Variants in PTPN11 observed in about 807,000 individuals in gnomAD.
PTPN11 encodes protein tyrosine phosphatase non-receptor type 11.
A neutral mutation model predicts 78.8 loss-of-function variants in PTPN11; 6 were observed. The ratio of observed to expected loss-of-function variants is 0.08; its 90% CI spans 0.04 to 0.15. The LOEUF (loss-of-function observed/expected upper bound fraction) is 0.15, where lower values mean the gene tolerates loss of function less well. Ranked by LOEUF, PTPN11 falls within the 10% of genes least tolerant of loss-of-function variation. The pLI, the probability that PTPN11 is intolerant of heterozygous loss-of-function variation, is 1.00. For synonymous variants in PTPN11, 221 were observed against 263.5 expected (o/e 0.84, Z 1.56); for missense variants, 386 against 744.8 (o/e 0.52, Z 5.61).
chr12:112,486,931 GT>G lies in PTPN11; in HGVS notation c.1379+305del, dbSNP rs1167607021. On this transcript the variant is annotated intron_variant, in intron 11 of 15. Transcript: ENST00000351677. ...TAAACAACTTCATCCTGGCTCTGCA[GT>G]TTCTCCTTATTCTTCATGATGTTTG... The G allele has an allele frequency of 4.4e-6, 6 of 1,353,498 alleles. No individual in the cohort carries two copies. In the Admixed American group the frequency reaches 1.9e-4, roughly 42 times the overall value. The allele number at this position is 1,353,498 out of a possible 1,614,324, so 83.8% of individuals were successfully genotyped here.
chr12:112,451,158 A>T (rs1314885873), intron 3 of PTPN11, among the ~76,000 whole-genome samples: 1 of 152,090 alleles, frequency 6.6e-6, no homozygotes, highest in Non-Finnish European at 1.5e-5. Flanking sequence ...CAAATTCAGG[A>T]TCTCTTAGTT....
chr12:112,498,740 C>T (rs996185447), intron 13 of PTPN11, among the ~76,000 whole-genome samples: 1 of 152,198 alleles, frequency 6.6e-6, no homozygotes, highest in African/African-American at 2.4e-5. Context: ...CCCTCTACTC[C>T]ACAAACACAA....
At chr12:112,459,713 C>T (rs970936130) in intron 6 of PTPN11, among the ~76,000 whole-genome samples, 8 of 152,096 alleles carry the variant, frequency 5.3e-5, no homozygotes, top group Non-Finnish European at 1.2e-4. Context: ...GGTGATCCGC[C>T]TGACTTGGCC....
At chr12:112,453,020 C>A (rs578203768) in intron 3 of PTPN11, among the ~76,000 whole-genome samples, 175 bp from the exon 4 acceptor site, 10 of 152,142 alleles carry the variant, frequency 6.6e-5, no homozygotes, top group African/African-American at 2.4e-4. Flanking sequence ...TGTGGTTTTT[C>A]CTGCCTGCAT....
At chr12:112,487,354 G>A (rs2038693514) in intron 11 of PTPN11, among the ~76,000 whole-genome samples, 1 of 152,198 alleles carries the variant, frequency 6.6e-6, no homozygotes, top group South Asian at 2.1e-4. Context: ...GGCTGGTCTC[G>A]AACCCTTGAC....
chr12:112,487,133 C>T (rs1343764985), intron 11 of PTPN11, among the ~76,000 whole-genome samples: 4 of 139,142 alleles, frequency 2.9e-5, no homozygotes, highest in Admixed American at 1.4e-4. Context: ...CTCTCTCTCT[C>T]TTTTTTTTTT....
intron 5 of PTPN11, among the ~76,000 whole-genome samples, chr12:112,455,668 A>G (rs1341023314): frequency 2.0e-5 from 3 of 152,180 alleles, no homozygotes; most frequent in African/African-American, 7.2e-5. Context: ...AAATGATATA[A>G]TCTCTCTAAA....
chr12:112,483,592 G>T (rs1566183984), intron 10 of PTPN11, among the ~76,000 whole-genome samples: 1 of 152,222 alleles, frequency 6.6e-6, no homozygotes, highest in Non-Finnish European at 1.5e-5. Flanking sequence ...GCCAGAGTTG[G>T]ATTTAAGTTT....
chr12:112,431,220 A>G (rs1224877175), intron 1 of PTPN11, among the ~76,000 whole-genome samples: 1 of 152,218 alleles, frequency 6.6e-6, no homozygotes, highest in Non-Finnish European at 1.5e-5. Flanking sequence ...TTAGTAAGGA[A>G]CTGCTCTGTA....
chr12:112,426,573 T>C (rs944244736), intron 1 of PTPN11, among the ~76,000 whole-genome samples: 9 of 152,176 alleles, frequency 5.9e-5, no homozygotes, highest in East Asian at 3.9e-4. Context: ...TTGTTTTTTT[T>C]CCTCTTTTTG....
intron 7 of PTPN11, among the ~76,000 whole-genome samples, chr12:112,474,529 A>G (rs543502460): frequency 1.3e-5 from 2 of 152,026 alleles, no homozygotes; most frequent in South Asian, 4.2e-4. Flanking sequence ...TACCTTCTGT[A>G]ACACCCAAAT....
intron 14 of PTPN11, among the ~76,000 whole-genome samples, chr12:112,502,707 A>G (rs948457116): frequency 1.3e-5 from 2 of 152,188 alleles, no homozygotes; most frequent in Non-Finnish European, 2.9e-5. Flanking sequence ...AGATCATGCC[A>G]CTGCACTCCA....
intron 11 of PTPN11, among the ~76,000 whole-genome samples, chr12:112,487,133 CT>C (rs1215555696): frequency 7.9e-4 from 110 of 138,988 alleles, no homozygotes; most frequent in South Asian, 5.2e-3. Flanking sequence ...CTCTCTCTCT[CT>C]TTTTTTTTTT....
Position 112,419,103 on chromosome 12 carries a change from G to C in PTPN11, c.-9G>C. ...CGGGTCCGTCGCGGAGCCGGAGGGCGGGAGGAACATGACATCGCGGAGGTG... is the reference window on the plus strand; with the variant it reads ...CGGGTCCGTCGCGGAGCCGGAGGGCCGGAGGAACATGACATCGCGGAGGTG... On this transcript the variant is annotated 5_prime_UTR_variant, in exon 1 of 16. Transcript: ENST00000351677. 1 of 1,531,362 alleles carries C rather than the reference G, an allele frequency of 6.5e-7. No homozygotes were observed. The allele number at this position is 1,531,362 out of a possible 1,614,324, so 94.9% of individuals were successfully genotyped here. A position where few individuals can be genotyped will look rare whatever the true frequency, so the allele number is the denominator to read the frequency against.
intron 3 of PTPN11, 106 bp from the exon 4 acceptor site, chr12:112,453,089 C>A: frequency 1.0e-6 from 1 of 991,872 alleles, no homozygotes; most frequent in Non-Finnish European, 1.5e-6. Context: ...AATGTGTCTA[C>A]TTTTTAATTG....
intron 11 of PTPN11, 95 bp downstream of exon 11, chr12:112,486,724 G>T: frequency 6.4e-7 from 1 of 1,551,404 alleles, no homozygotes; most frequent in South Asian, 1.2e-5. Flanking sequence ...CTCTTTAACT[G>T]TAGGAAGAAT....
intron 14 of PTPN11, 89 bp downstream of exon 14, chr12:112,502,345 G>T (rs557315814): frequency 5.7e-6 from 6 of 1,052,272 alleles, no homozygotes; most frequent in Non-Finnish European, 9.0e-6. Context: ...ACACAAGTTT[G>T]TAGCACATGC....
rs1222805966 is a variant in PTPN11, at chr12:112,482,212, A to C, written c.1224+7A>C. 1 of 1,612,006 alleles carries C rather than the reference A, an allele frequency of 6.2e-7. No homozygotes were observed. Among genetic ancestry groups the C allele is most frequent in the Non-Finnish European group, 8.5e-7 (1 of 1,178,428 alleles). ...ACTTTCAAAGGTTGGACAAGTAAGT[A>C]TATTGTCGTATTCTAGAGACTTTGG... On this transcript the variant is annotated splice_region_variant and intron_variant, in intron 10 of 15. Transcript: ENST00000351677. This position sits in a 1 kb window ranked among gnomAD's most constrained non-coding sequence, Gnocchi z 4.4.
chr12:112,456,746 T>C (rs1187307457), intron 6 of PTPN11, among the ~76,000 whole-genome samples: 3 of 151,288 alleles, frequency 2.0e-5, no homozygotes, highest in Admixed American at 1.3e-4. Context: ...AGGCACACGA[T>C]ACCATGCCCA....
Sources: allele counts gnomAD v4.1 joint callset (sites outside exome capture counted in the v4.1 genomes callset), GRCh38; gene constraint gnomAD v4.1.1; non-coding constraint Gnocchi (gnomAD v3.1); transcripts MANE v1.5; gene names NCBI Gene and HGNC (gene_info 2026-07-23, HGNC 2026-07-21).